The following NHEJ1 variants were observed in gnomAD, a reference collection of about 807,000 sequenced individuals.
NHEJ1 encodes non-homologous end joining factor 1, also known as non-homologous end-joining factor 1.
A neutral mutation model predicts 39.4 loss-of-function variants in NHEJ1; 22 were observed. That is an observed-to-expected ratio of 0.56 (90% CI 0.40 to 0.80). NHEJ1 has a LOEUF of 0.80. Among genes scored for constraint, NHEJ1 ranks in the 30% least tolerant of loss-of-function variants. The pLI is 0.00. For missense variants in NHEJ1, 329 were observed against 357.1 expected (o/e 0.92, Z 0.63); for synonymous variants, 154 against 135.6 (o/e 1.14, Z -0.94).
intron 5 of NHEJ1, among the ~76,000 whole-genome samples, chr2:219,091,708 C>T (rs952085547): frequency 5.9e-5 from 9 of 152,124 alleles, no homozygotes; most frequent in African/African-American, 1.9e-4. Flanking sequence ...TCTGAGGAAA[C>T]GCCAAGGGGA....
chr2:219,141,521 A>G (rs1949692043), intron 5 of NHEJ1, among the ~76,000 whole-genome samples: 1 of 152,170 alleles, frequency 6.6e-6, no homozygotes. Context: ...CAAAGAGGAA[A>G]GTGAGTGACT....
intron 5 of NHEJ1, among the ~76,000 whole-genome samples, chr2:219,080,065 C>T (rs1472454026): frequency 3.3e-5 from 5 of 152,278 alleles, no homozygotes; most frequent in South Asian, 2.1e-4. Flanking sequence ...AACCTCAAAA[C>T]GAAGTGCTAG....
At position 219,118,536 on chromosome 2, in the gene NHEJ1, T is replaced by C. The variant is rs140588195; in HGVS notation, c.588+28144A>G. Reference sequence around the variant, plus strand: ...AGAGCCTTGATTCAGGGGGCCAGACTGAGTCTGCTACAGGCCAGGCTCCGC... The same window carrying C: ...AGAGCCTTGATTCAGGGGGCCAGACCGAGTCTGCTACAGGCCAGGCTCCGC... On this transcript the variant is annotated intron_variant, in intron 5 of 7. Transcript: ENST00000356853. 1.7e-3 allele frequency among the ~76,000 whole-genome samples: 251 copies of C among 151,996 alleles called. 1 individual carries two copies. Among genetic ancestry groups the C allele is most frequent in the African/African-American group, 5.7e-3 (238 of 41,430 alleles).
chr2:219,159,866 C>G (rs1949912274), intron 1 of NHEJ1, among the ~76,000 whole-genome samples: 1 of 151,934 alleles, frequency 6.6e-6, no homozygotes, highest in Admixed American at 6.6e-5. Context: ...CTATTCTAGC[C>G]CATTCCTTCG....
chr2:219,154,570 T>C (rs1206122341), intron 3 of NHEJ1, among the ~76,000 whole-genome samples: 3 of 152,182 alleles, frequency 2.0e-5, no homozygotes. Flanking sequence ...AAGCCTGAAA[T>C]AGTATCCACC....
At chr2:219,081,645 T>C (rs1949068467) in intron 5 of NHEJ1, among the ~76,000 whole-genome samples, 1 of 152,222 alleles carries the variant, frequency 6.6e-6, no homozygotes, top group Non-Finnish European at 1.5e-5. Context: ...GAGTTCCTAC[T>C]TCAAAGAGTT....
rs536750434 is a variant in NHEJ1 at position 219,111,180 on chromosome 2, C to T, written c.589-32974G>A. Among the ~76,000 whole-genome samples the T allele has an allele frequency of 9.2e-5, 14 of 152,110 alleles. No individual in the cohort carries two copies. Among genetic ancestry groups the T allele is most frequent in the Non-Finnish European group, 1.3e-4 (9 of 68,020 alleles). The stretch of plus-strand genomic sequence containing the variant: ...TTTTAGAACTGGAATAGAATTTACT[C>T]GTGATACCCAGACCAATGCTCTATT... On this transcript the variant is annotated intron_variant, in intron 5 of 7. Coordinates refer to ENST00000356853, the MANE Select transcript of NHEJ1 (RefSeq NM_024782.3). The surrounding 1 kb of genome is among the most constrained non-coding windows in gnomAD (Gnocchi z 4.1).
At chr2:219,087,008 T>G (rs901190820) in intron 5 of NHEJ1, among the ~76,000 whole-genome samples, 5 of 151,990 alleles carry the variant, frequency 3.3e-5, no homozygotes, top group African/African-American at 1.2e-4. Flanking sequence ...GGAACGCAAG[T>G]GGTTTCCTGG....
intron 3 of NHEJ1, among the ~76,000 whole-genome samples, chr2:219,155,850 A>G (rs1186280974): frequency 2.7e-5 from 4 of 150,800 alleles, no homozygotes; most frequent in African/African-American, 2.4e-5. Flanking sequence ...GCATGAACCC[A>G]GGAGGCGGAG....
chr2:219,136,286 CTT>C (rs36102678), intron 5 of NHEJ1, among the ~76,000 whole-genome samples: 20,237 of 125,762 alleles, frequency 0.16, 1,457 homozygotes, highest in African/African-American at 0.22. Flanking sequence ...CACTTGGTTT[CTT>C]TTTTTTTTTT....
chr2:219,137,068 T>C (rs1485711902), intron 5 of NHEJ1, among the ~76,000 whole-genome samples: 1 of 143,206 alleles, frequency 7.0e-6, no homozygotes, highest in Non-Finnish European at 1.5e-5. Flanking sequence ...TAGCTCTTCT[T>C]GAGAAAAAAA....
intron 5 of NHEJ1, among the ~76,000 whole-genome samples, chr2:219,101,238 C>T (rs1949257331): frequency 6.6e-6 from 1 of 152,148 alleles, no homozygotes; most frequent in Non-Finnish European, 1.5e-5. Flanking sequence ...CCTCAGCCTC[C>T]TGAGTAGCTG....
chr2:219,140,488 A>G (rs1949680184), intron 5 of NHEJ1, among the ~76,000 whole-genome samples: 1 of 152,228 alleles, frequency 6.6e-6, no homozygotes, highest in African/African-American at 2.4e-5. Flanking sequence ...CCAGTATGGT[A>G]GCAGCAGAGG....
At chr2:219,158,070 A>T in intron 2 of NHEJ1, 116 bp downstream of exon 2, 1 of 975,678 alleles carries the variant, frequency 1.0e-6, no homozygotes, top group Non-Finnish European at 1.6e-6. Flanking sequence ...AGGTAGAAGT[A>T]CAGGACATTA....
chr2:219,160,601 G>A (rs1949925349), intron 1 of NHEJ1, 119 bp downstream of exon 1: 1 of 151,974 alleles, frequency 6.6e-6, no homozygotes, highest in South Asian at 2.1e-4. Flanking sequence ...GCCTGCCCTG[G>A]ACCCCGGCAG....
intron 5 of NHEJ1, among the ~76,000 whole-genome samples, chr2:219,104,065 T>G (rs1482605690): frequency 6.6e-6 from 1 of 152,182 alleles, no homozygotes; most frequent in Non-Finnish European, 1.5e-5. Context: ...TTGTTTTTTT[T>G]TGTTTGTTTG....
At chr2:219,082,573 C>G (rs1425746868) in intron 5 of NHEJ1, among the ~76,000 whole-genome samples, 1 of 152,236 alleles carries the variant, frequency 6.6e-6, no homozygotes, top group East Asian at 1.9e-4. Context: ...AAGGCTAGAT[C>G]TGATCTACTG....
At chr2:219,097,184 T>C (rs542939498) in intron 5 of NHEJ1, among the ~76,000 whole-genome samples, 5 of 152,340 alleles carry the variant, frequency 3.3e-5, no homozygotes, top group Middle Eastern at 3.4e-3. Flanking sequence ...GTTAAGTGTA[T>C]TCAATACATT....
intron 5 of NHEJ1, among the ~76,000 whole-genome samples, chr2:219,115,131 A>G (rs1333302088): frequency 6.7e-6 from 1 of 148,972 alleles, no homozygotes; most frequent in Non-Finnish European, 1.5e-5. Flanking sequence ...AGCTTTTCCA[A>G]AAGAATCCCA....
Sources: allele counts gnomAD v4.1 joint callset (sites outside exome capture counted in the v4.1 genomes callset), GRCh38; gene constraint gnomAD v4.1.1; non-coding constraint Gnocchi (gnomAD v3.1); transcripts MANE v1.5; gene names NCBI Gene and HGNC (gene_info 2026-07-23, HGNC 2026-07-21).